The following WDR48 variants were observed in gnomAD, a reference collection of about 807,000 sequenced individuals.
WDR48 encodes WD repeat domain 48.
A neutral mutation model predicts 94.0 loss-of-function variants in WDR48; 22 were observed. The ratio of observed to expected loss-of-function variants is 0.23; its 90% CI spans 0.17 to 0.33. The LOEUF is 0.33. Among genes scored for constraint, WDR48 ranks in the 10% least tolerant of loss-of-function variants. The pLI is 1.00. For synonymous variants in WDR48, 278 were observed against 280.5 expected, an observed-to-expected ratio of 0.99 and a Z score of 0.09; for missense variants, 541 against 813.8, an observed-to-expected ratio of 0.66 and a Z score of 4.08.
chr3:39,074,950 G>C lies in WDR48; in HGVS notation c.897G>C (p.Lys299Asn). 6.2e-7 allele frequency: 1 copy of C among 1,613,824 alleles called. No individual in the cohort carries two copies. The highest frequency in any genetic ancestry group is 8.5e-7 in the Non-Finnish European group (1 of 1,179,912). Reference protein sequence around the residue: ...LICEEKAPVLKMELDRSADPP... With the variant: ...LICEEKAPVLNMELDRSADPP... Reference sequence around the variant, plus strand: ...GTGAAGAAAAAGCACCAGTTCTCAAGGTATGTCATATGTTAATATTTTAGT... The same window carrying C: ...GTGAAGAAAAAGCACCAGTTCTCAACGTATGTCATATGTTAATATTTTAGT... The change falls in exon 8 of 19, where the codon AAG becomes AAC. Residue 299 changes from lysine to asparagine, a missense_variant and splice_region_variant. By Grantham distance (94) the Lys-to-Asn change is moderately conservative. Coordinates refer to ENST00000302313, the MANE Select transcript of WDR48 (RefSeq NM_020839.4).
chr3:39,093,938 A>G lies in WDR48; in HGVS notation c.1810A>G (p.Ile604Val), dbSNP rs1186294020. 4.3e-6 allele frequency: 7 copies of G among 1,613,856 alleles called. No individual in the cohort carries two copies. The Admixed American group carries it at 5.0e-5, about 12-fold the overall frequency. The part of the protein sequence containing the change: ...RKVMEHVYEK[I>V]INLDNESQTT... ...AGTTATGGAACATGTTTATGAAAAA[A>G]TTATCAACTTGGATAATGAGTCTCA... The change falls in exon 18 of 19, where the codon ATT (isoleucine) becomes GTT (valine). Residue 604 changes from isoleucine to valine, a missense_variant. This residue lies in a region of WDR48 where 109 missense variants were observed against 195.5 expected (regional missense o/e 0.56). Coordinates refer to ENST00000302313, the MANE Select transcript of WDR48 (RefSeq NM_020839.4).
chr3:39,069,602 T>C (rs753858778), intron 6 of WDR48, 41 bp from the exon 7 acceptor site: 2 of 1,486,718 alleles, frequency 1.3e-6, no homozygotes, highest in South Asian at 1.2e-5. Context: ...AATTTGATAC[T>C]GATATATTTA....
intron 2 of WDR48, among the ~76,000 whole-genome samples, chr3:39,063,840 C>T (rs775114325): frequency 9.9e-5 from 15 of 152,040 alleles, no homozygotes; most frequent in South Asian, 2.1e-4. Flanking sequence ...CCCAGCTACT[C>T]GGGGAGCTGA....
At position 39,074,830 on chromosome 3, in the gene WDR48, A is replaced by G; in HGVS notation, c.777A>G (p.Gln259=). The change falls in exon 8 of 19, where the codon CAA becomes CAG. Residue 259 remains glutamine, a synonymous_variant. Transcript: ENST00000302313. ...RVHDEGVWAL[Q]VNDAFTHVYS... ...ATGATGAAGGTGTTTGGGCGCTGCA[A>G]GTCAATGATGCCTTCACACATGTGT... is the stretch of plus-strand genomic sequence containing the variant. 6.2e-7 allele frequency: 1 copy of G among 1,614,254 alleles called. No homozygotes were observed. Among genetic ancestry groups the G allele is most frequent in the Non-Finnish European group, 8.5e-7 (1 of 1,180,044 alleles).
intron 1 of WDR48, among the ~76,000 whole-genome samples, chr3:39,058,493 C>T (rs1457552526): frequency 6.6e-6 from 1 of 152,164 alleles, no homozygotes; most frequent in East Asian, 1.9e-4. Flanking sequence ...GTCAGATAAT[C>T]TCCCAGAAGT....
intron 5 of WDR48, among the ~76,000 whole-genome samples, chr3:39,067,185 C>T (rs1395715542): frequency 6.6e-6 from 1 of 152,168 alleles, no homozygotes; most frequent in Non-Finnish European, 1.5e-5. Context: ...TTCGTATCTC[C>T]CACAGCATTC....
chr3:39,069,524 C>A, intron 6 of WDR48, 119 bp from the exon 7 acceptor site: 1 of 839,302 alleles, frequency 1.2e-6, no homozygotes, highest in Non-Finnish European at 1.8e-6. Context: ...TGTCCATTGG[C>A]AGAAGTGGTA....
Position 39,084,403 on chromosome 3 carries a change from A to AT in WDR48, c.1281+142dup, listed in dbSNP as rs1430092436. 20 of 628,540 alleles carry AT rather than the reference A, an allele frequency of 3.2e-5. No individual in the cohort carries two copies. In the African/African-American group the frequency reaches 3.2e-4, roughly 10 times the overall value. The allele number at this position is 628,540 out of a possible 1,614,324, so 38.9% of individuals were successfully genotyped here. ...GTTAAAACTTAAAATGCAAAATGGA[A>AT]TAAAAAAGAAAAAAACAAAATTAAA... On this transcript the variant is annotated intron_variant, in intron 12 of 18. Transcript: ENST00000302313.
intron 1 of WDR48, among the ~76,000 whole-genome samples, chr3:39,061,840 C>T (rs1411936001): frequency 2.0e-5 from 3 of 150,314 alleles, no homozygotes; most frequent in Non-Finnish European, 2.9e-5. Context: ...TTGCATTTCT[C>T]TGATGGCCAG....
intron 7 of WDR48, among the ~76,000 whole-genome samples, chr3:39,074,210 G>A (rs2034092816): frequency 6.6e-6 from 1 of 152,184 alleles, no homozygotes; most frequent in Non-Finnish European, 1.5e-5. Context: ...TTGTCTACAG[G>A]ATTGACCAGA....
chr3:39,064,337 G>A (rs1221830902), intron 2 of WDR48, among the ~76,000 whole-genome samples: 1 of 150,424 alleles, frequency 6.6e-6, no homozygotes, highest in Non-Finnish European at 1.5e-5. Context: ...GCAGTGGCGC[G>A]ATCTTGGCTC....
intron 14 of WDR48, among the ~76,000 whole-genome samples, chr3:39,087,353 A>G (rs1044285364): frequency 2.0e-5 from 3 of 152,126 alleles, no homozygotes; most frequent in South Asian, 2.1e-4. Flanking sequence ...TTGTTGGGTC[A>G]TTTACTACTT....
At chr3:39,068,700 G>T in intron 5 of WDR48, 71 bp from the exon 6 acceptor site, 1 of 1,047,850 alleles carries the variant, frequency 9.5e-7, no homozygotes. Flanking sequence ...GAATAAACTT[G>T]CAGTTTTTGC....
chr3:39,088,671 A>G (rs1343249570), intron 15 of WDR48, among the ~76,000 whole-genome samples: 2 of 152,128 alleles, frequency 1.3e-5, no homozygotes, highest in Non-Finnish European at 2.9e-5. Flanking sequence ...TGACACTGAC[A>G]CTGCCTGGGG....
At chr3:39,081,867 A>G (rs1252642382) in intron 11 of WDR48, among the ~76,000 whole-genome samples, 1 of 152,150 alleles carries the variant, frequency 6.6e-6, no homozygotes, top group Non-Finnish European at 1.5e-5. Context: ...ATACATCATG[A>G]TTGGCATTTC....
intron 1 of WDR48, among the ~76,000 whole-genome samples, chr3:39,055,853 T>A (rs559559932): frequency 6.6e-6 from 1 of 152,276 alleles, no homozygotes; most frequent in Admixed American, 6.5e-5. Context: ...GGAAAAAAAA[T>A]ACTTCGCTTA....
At chr3:39,069,811 T>C (rs2033827530) in intron 7 of WDR48, 67 bp downstream of exon 7, 2 of 1,285,114 alleles carry the variant, frequency 1.6e-6, no homozygotes, top group Non-Finnish European at 2.1e-6. Context: ...TGTATACTAT[T>C]GCATAGGTTG....
At chr3:39,094,525 T>C (rs1460926167) in intron 18 of WDR48, 123 bp from the exon 19 acceptor site, 4 of 1,542,314 alleles carry the variant, frequency 2.6e-6, no homozygotes, top group African/African-American at 1.4e-5. Context: ...ACAGCAAGAA[T>C]TGGATACCAG....
At chr3:39,059,012 T>G (rs774156951) in intron 1 of WDR48, among the ~76,000 whole-genome samples, 9 of 148,984 alleles carry the variant, frequency 6.0e-5, no homozygotes, top group Non-Finnish European at 1.3e-4. Context: ...GCAGCAGAGG[T>G]TGCAGTGAGC....
Sources: allele counts gnomAD v4.1 joint callset (sites outside exome capture counted in the v4.1 genomes callset), GRCh38; gene constraint gnomAD v4.1.1; regional missense constraint gnomAD v4.1.1; transcripts MANE v1.5; gene names NCBI Gene and HGNC (gene_info 2026-07-23, HGNC 2026-07-21).